The following HPR variants were observed in gnomAD, a reference collection of about 807,000 sequenced individuals.
HPR encodes haptoglobin-related protein, also known as Haptoglobin-related locus.
Under a neutral mutation model 18.5 loss-of-function variants are expected in HPR, and 17 were observed. The observed-to-expected ratio is 0.92, with a 90% CI of 0.63 to 1.38. The LOEUF (loss-of-function observed/expected upper bound fraction) is 1.38, where lower values mean the gene tolerates loss of function less well. Ranked by LOEUF, HPR falls within the 40% of genes most tolerant of loss-of-function variation. HPR has a pLI of 0.00. For synonymous variants in HPR, 176 were observed against 165.0 expected (o/e 1.07, Z -0.51); for missense variants, 457 against 432.4 (o/e 1.06, Z -0.51).
chr16:72,063,888 G>A (rs1300849450), intron 1 of HPR, among the ~76,000 whole-genome samples: 9 of 152,002 alleles, frequency 5.9e-5, no homozygotes, highest in East Asian at 3.9e-4. Context: ...GACTACAGGC[G>A]TGTGCCACCA....
chr16:72,064,117 G>C (rs1011947685), intron 1 of HPR, among the ~76,000 whole-genome samples: 1 of 152,108 alleles, frequency 6.6e-6, no homozygotes, highest in East Asian at 1.9e-4. Context: ...GGCAGATGGC[G>C]CCTGTGTGTC....
intron 1 of HPR, 115 bp from the exon 2 acceptor site, chr16:72,073,777 T>C (rs1173191115): frequency 6.3e-7 from 1 of 1,594,762 alleles, no homozygotes; most frequent in East Asian, 2.3e-5. Context: ...TGTGTGTGTA[T>C]GCATGTGTGT....
chr16:72,063,460 A>G (rs1226041125), intron 1 of HPR, among the ~76,000 whole-genome samples, 200 bp downstream of exon 1: 1 of 152,062 alleles, frequency 6.6e-6, no homozygotes, highest in Non-Finnish European at 1.5e-5. Context: ...CCCAGGAGAT[A>G]AGATTTACTC....
At chr16:72,073,004 C>A (rs931560221) in intron 1 of HPR, among the ~76,000 whole-genome samples, 3 of 152,174 alleles carry the variant, frequency 2.0e-5, no homozygotes, top group Non-Finnish European at 4.4e-5. Flanking sequence ...CAGTCGTTAT[C>A]TATAGAGCCC....
At chr16:72,064,520 C>A (rs1174754335) in intron 1 of HPR, among the ~76,000 whole-genome samples, 1 of 152,204 alleles carries the variant, frequency 6.6e-6, no homozygotes, top group African/African-American at 2.4e-5. Flanking sequence ...AGTGCAACCA[C>A]ATTCCTGCAC....
chr16:72,067,084 A>G (rs2144062614), intron 1 of HPR, among the ~76,000 whole-genome samples: 1 of 152,304 alleles, frequency 6.6e-6, no homozygotes, highest in South Asian at 2.1e-4. Context: ...CAAATGTGGA[A>G]GGACAGCCCC....
intron 1 of HPR, chr16:72,073,636 C>T (rs1248392565): frequency 7.7e-6 from 10 of 1,296,898 alleles, no homozygotes; most frequent in South Asian, 7.2e-5. Flanking sequence ...CCCAGCAAGA[C>T]AGAGCTTGCT....
In HPR at chr16:72,076,427, C is replaced by A; in HGVS notation, c.393C>A (p.Ala131=). ...CCCACCATAATCTCACCACAGGGGCCACGCTGATCAATGAACAATGGCTGC... is the reference window on the plus strand; with the variant it reads ...CCCACCATAATCTCACCACAGGGGCAACGCTGATCAATGAACAATGGCTGC... The part of the protein sequence containing the change: ...MVSHHNLTTG[A]TLINEQWLLT... The change falls in exon 5 of 5, where the codon GCC becomes GCA. Residue 131 remains alanine, a synonymous_variant. Coordinates refer to ENST00000540303, the MANE Select transcript of HPR (RefSeq NM_020995.4). 6.2e-7 allele frequency: 1 copy of A among 1,614,188 alleles called. No individual in the cohort carries two copies.
In HPR at chr16:72,066,927, G is replaced by C. The variant is rs144985910; in HGVS notation, c.5+3667G>C. The stretch of plus-strand genomic sequence containing the variant: ...TCCAGGGAGCCAGAAACTATAAAAG[G>C]TCCCAAGCCTCCCAAACCCAGTTTA... On this transcript the variant is annotated intron_variant, in intron 1 of 4. Coordinates refer to ENST00000540303, the MANE Select transcript of HPR (RefSeq NM_020995.4). Among the ~76,000 whole-genome samples the C allele has an allele frequency of 1.8e-4, 27 of 152,222 alleles. No homozygotes were observed. In the East Asian group the frequency reaches 5.2e-3, roughly 29 times the overall value.
At chr16:72,067,795 G>A (rs2041613678) in intron 1 of HPR, among the ~76,000 whole-genome samples, 1 of 152,132 alleles carries the variant, frequency 6.6e-6, no homozygotes, top group African/African-American at 2.4e-5. Flanking sequence ...AAAATCAGAT[G>A]GGTCATACCG....
Position 72,076,197 on chromosome 16 carries a change from C to A in HPR, c.269-106C>A, listed in dbSNP as rs371217219. The A allele has an allele frequency of 5.8e-6, 9 of 1,557,700 alleles. No homozygotes were observed. In the African/African-American group the frequency reaches 8.1e-5, roughly 14 times the overall value. On this transcript the variant is annotated intron_variant, in intron 4 of 4. Coordinates refer to ENST00000540303, the MANE Select transcript of HPR (RefSeq NM_020995.4). ...GGTGGTAAGGACAAAGCATTTAAAT[C>A]TTTCCAGTTTATGCAGCAGTGACAG...
intron 1 of HPR, among the ~76,000 whole-genome samples, chr16:72,064,154 C>T (rs2041573224): frequency 6.6e-6 from 1 of 152,210 alleles, no homozygotes; most frequent in Non-Finnish European, 1.5e-5. Flanking sequence ...GTCCTGCTTT[C>T]AGACACCAGT....
chr16:72,076,881 G>A lies in HPR; in HGVS notation c.847G>A (p.Val283Ile), dbSNP rs374464458. Reference protein sequence around the residue: ...QPILNEHTFCVGMSKYQEDTC... With the variant: ...QPILNEHTFCIGMSKYQEDTC... Reference sequence around the variant, plus strand: ...CATACTGAACGAACACACCTTCTGTGTCGGCATGTCTAAGTACCAGGAAGA... The same window carrying A: ...CATACTGAACGAACACACCTTCTGTATCGGCATGTCTAAGTACCAGGAAGA... The change falls in exon 5 of 5, where the codon GTC becomes ATC. Residue 283 changes from valine (V) to isoleucine (I), a missense_variant. Transcript: ENST00000540303. 15 of 1,614,120 alleles carry A rather than the reference G, an allele frequency of 9.3e-6. No homozygotes were observed. The highest frequency in any genetic ancestry group is 1.3e-5 in the Non-Finnish European group (15 of 1,180,058).
chr16:72,069,137 GCA>G (rs1567588722), intron 1 of HPR, among the ~76,000 whole-genome samples: 31 of 152,262 alleles, frequency 2.0e-4, no homozygotes, highest in African/African-American at 7.2e-4. Flanking sequence ...AAGCCTTAAA[GCA>G]CTTGCAAAAC....
chr16:72,064,200 G>C (rs1157278644), intron 1 of HPR, among the ~76,000 whole-genome samples: 1 of 152,276 alleles, frequency 6.6e-6, no homozygotes, highest in Admixed American at 6.5e-5. Flanking sequence ...TTTGGGGTTT[G>C]AGATACCATT....
At position 72,075,095 on chromosome 16, in the gene HPR, G is replaced by A. The variant is rs954496633; in HGVS notation, c.194-50G>A. On this transcript the variant is annotated intron_variant, in intron 3 of 4. Transcript: ENST00000540303. ...CTTAAATGCCTTCTCACTCTGCTCT[G>A]GGTGCAGACTTGACTTTTCCTTTGG... The A allele has an allele frequency of 5.5e-6, 4 of 722,798 alleles. No homozygotes were observed. In the African/African-American group the frequency reaches 6.8e-5, roughly 12 times the overall value. 44.8% of individuals were successfully genotyped at this position (722,798 alleles called of 1,614,324 possible). A position where few individuals can be genotyped will look rare whatever the true frequency, so the allele number is the denominator to read the frequency against.
chr16:72,076,640 G>A lies in HPR; in HGVS notation c.606G>A (p.Glu202=). ...TCAAACAGAAGGTGCTTGTTAATGA[G>A]AGAGTGATGCCCATCTGCCTACCTT... ...IKLKQKVLVN[E]RVMPICLPSK... The change falls in exon 5 of 5, where the codon GAG becomes GAA. Residue 202 remains glutamate (E), a synonymous_variant. Transcript: ENST00000540303. 6.2e-7 allele frequency: 1 copy of A among 1,614,206 alleles called. No individual in the cohort carries two copies.
intron 1 of HPR, among the ~76,000 whole-genome samples, chr16:72,064,073 G>C (rs902227000): frequency 6.6e-6 from 1 of 152,136 alleles, no homozygotes; most frequent in Non-Finnish European, 1.5e-5. Flanking sequence ...AATAGTGCCT[G>C]AATGGTGGGC....
intron 1 of HPR, among the ~76,000 whole-genome samples, chr16:72,064,973 G>T (rs2041582516): frequency 6.6e-6 from 1 of 152,162 alleles, no homozygotes; most frequent in African/African-American, 2.4e-5. Flanking sequence ...TGGTGGCCAG[G>T]TAACTCTGTG....
Sources: allele counts gnomAD v4.1 joint callset (sites outside exome capture counted in the v4.1 genomes callset), GRCh38; gene constraint gnomAD v4.1.1; transcripts MANE v1.5; gene names NCBI Gene and HGNC (gene_info 2026-07-23, HGNC 2026-07-21).